ZPBP: variants seen among roughly 807,000 people sequenced by gnomAD.
The protein encoded by ZPBP is zona pellucida binding protein, also known as zona pellucida-binding protein 1.
ZPBP carries 26 observed loss-of-function variants against 44.8 expected under a neutral mutation model. The ratio of observed to expected loss-of-function variants is 0.58; its 90% CI spans 0.43 to 0.81. The LOEUF is 0.81. ZPBP is among the 30% of genes least tolerant of loss of function. ZPBP has a pLI of 0.00. For synonymous variants in ZPBP, 174 were observed against 153.2 expected (o/e 1.14, Z -1.00); for missense variants, 409 against 434.0 (o/e 0.94, Z 0.51).
intron 4 of ZPBP, among the ~76,000 whole-genome samples, chr7:50,033,565 T>C (rs1423422381): frequency 6.6e-6 from 1 of 152,174 alleles, no homozygotes; most frequent in Non-Finnish European, 1.5e-5. Flanking sequence ...GGTGAGTCCA[T>C]AGCTTGACTT....
rs555837163 is a variant in ZPBP at position 49,956,102 on chromosome 7, A to G, written c.962-18480T>C. On this transcript the variant is annotated intron_variant, in intron 7 of 7. Coordinates refer to ENST00000046087, the MANE Select transcript of ZPBP (RefSeq NM_007009.3). Reference sequence around the variant, plus strand: ...TAACTACCTGAGTACTCTAAAAAGCAAAGAGATTAAAGTGAATTTAGAAGG... The same window carrying G: ...TAACTACCTGAGTACTCTAAAAAGCGAAGAGATTAAAGTGAATTTAGAAGG... 2.6e-5 allele frequency among the ~76,000 whole-genome samples: 4 copies of G among 152,292 alleles called. No homozygotes were observed. The South Asian group carries it at 8.3e-4, about 32-fold the overall frequency.
intron 6 of ZPBP, among the ~76,000 whole-genome samples, chr7:49,985,632 T>C (rs1361114704): frequency 4.1e-5 from 4 of 96,948 alleles, no homozygotes; most frequent in Admixed American, 1.3e-4. Flanking sequence ...GGCTTCCTAA[T>C]ACCCCATGCA....
At chr7:50,075,753 C>T (rs921789323) in intron 3 of ZPBP, among the ~76,000 whole-genome samples, 3 of 151,694 alleles carry the variant, frequency 2.0e-5, no homozygotes, top group Non-Finnish European at 4.4e-5. Context: ...AGATAGAAGC[C>T]TTAATAAAAA....
intron 6 of ZPBP, among the ~76,000 whole-genome samples, chr7:50,010,183 T>C (rs565308723): frequency 2.0e-5 from 3 of 152,180 alleles, no homozygotes; most frequent in South Asian, 4.2e-4. Context: ...TAAAACAATC[T>C]TAACAAGAAT....
chr7:49,912,009 T>C (rs1442638585), intron 1 of ZPBP: 1 of 1,604,664 alleles, frequency 6.2e-7, no homozygotes, highest in Non-Finnish European at 8.5e-7. Flanking sequence ...ACACATATAG[T>C]ATAAAACATT....
chr7:50,046,694 G>C (rs1273643234), intron 4 of ZPBP, among the ~76,000 whole-genome samples: 2 of 152,180 alleles, frequency 1.3e-5, no homozygotes, highest in African/African-American at 4.8e-5. Context: ...TACACTGTTG[G>C]TGGGAGTGTA....
intron 7 of ZPBP, among the ~76,000 whole-genome samples, chr7:49,981,563 T>A (rs1488206926): frequency 1.6e-5 from 1 of 60,722 alleles, no homozygotes; most frequent in East Asian, 6.7e-4. Context: ...AAATTATATA[T>A]TATATAATTA....
At chr7:49,970,316 G>GT (rs761643680) in intron 7 of ZPBP, among the ~76,000 whole-genome samples, 32 of 152,168 alleles carry the variant, frequency 2.1e-4, no homozygotes, top group Non-Finnish European at 3.4e-4. Flanking sequence ...GAGTTCTACA[G>GT]TAACAGTTGG....
chr7:50,086,361 C>T (rs1464648298), intron 2 of ZPBP, among the ~76,000 whole-genome samples: 2 of 151,928 alleles, frequency 1.3e-5, no homozygotes, highest in Non-Finnish European at 2.9e-5. Flanking sequence ...CCCACTGAAA[C>T]AGACTCCAAG....
chr7:49,849,522 A>G (rs553415630), downstream of ZPBP, among the ~76,000 whole-genome samples: 1 of 152,306 alleles, frequency 6.6e-6, no homozygotes, highest in African/African-American at 2.4e-5. Flanking sequence ...GCTAACTGGC[A>G]TATGCACCCC....
chr7:50,002,635 T>C (rs959832531), intron 6 of ZPBP, among the ~76,000 whole-genome samples: 9 of 152,296 alleles, frequency 5.9e-5, no homozygotes, highest in East Asian at 1.9e-4. Flanking sequence ...AGGTCAGAAA[T>C]GCTACTTCTT....
At chr7:50,084,520 A>C (rs1802532027) in intron 2 of ZPBP, among the ~76,000 whole-genome samples, 1 of 151,960 alleles carries the variant, frequency 6.6e-6, no homozygotes, top group Non-Finnish European at 1.5e-5. Context: ...GAACGAGTTA[A>C]AAAGAGGGTC....
rs539084055 is a variant in ZPBP, at chr7:50,037,684, C to T, written c.488-6374G>A. ...GTCCTTCCCCCAAAATTGGGGAGTACAATTAAACATGAGATTTAGGTGGGA... is the reference window on the plus strand; with the variant it reads ...GTCCTTCCCCCAAAATTGGGGAGTATAATTAAACATGAGATTTAGGTGGGA... On this transcript the variant is annotated intron_variant, in intron 4 of 7. Transcript: ENST00000046087. Among the ~76,000 whole-genome samples the T allele has an allele frequency of 2.6e-5, 4 of 152,248 alleles. No homozygotes were observed. In the South Asian group the frequency reaches 8.3e-4, roughly 32 times the overall value.
intron 1 of ZPBP, among the ~76,000 whole-genome samples, chr7:49,923,846 G>C (rs993914516): frequency 2.6e-5 from 4 of 152,016 alleles, no homozygotes; most frequent in African/African-American, 9.7e-5. Context: ...GTTATAGGCC[G>C]GGCATGTTGG....
chr7:50,002,754 C>A (rs1798152158), intron 6 of ZPBP, among the ~76,000 whole-genome samples: 1 of 152,140 alleles, frequency 6.6e-6, no homozygotes, highest in South Asian at 2.1e-4. Flanking sequence ...CTGCTCAGAT[C>A]CTACTTTAGA....
Position 49,900,771 on chromosome 7 carries a change from C to T in ZPBP, n.509+347G>A, listed in dbSNP as rs557938370. On this transcript the variant is annotated intron_variant and non_coding_transcript_variant, in intron 2 of 2. Transcript: ENST00000465922. The stretch of plus-strand genomic sequence containing the variant: ...ATCAATATTTTACAATTTCTTTCAG[C>T]GTTACCCTATTACCAAACCAGACAT... Among the ~76,000 whole-genome samples the T allele has an allele frequency of 5.3e-5, 8 of 151,856 alleles. No homozygotes were observed. In the East Asian group the frequency reaches 7.7e-4, roughly 15 times the overall value.
intron 6 of ZPBP, among the ~76,000 whole-genome samples, chr7:50,007,736 C>G (rs1264257647): frequency 2.0e-5 from 3 of 151,926 alleles, no homozygotes; most frequent in Non-Finnish European, 2.9e-5. Flanking sequence ...AAAAATCAAT[C>G]AGTGTAATAC....
intron 7 of ZPBP, among the ~76,000 whole-genome samples, chr7:49,945,275 T>C (rs1039340180): frequency 5.9e-5 from 9 of 152,092 alleles, no homozygotes; most frequent in Non-Finnish European, 1.2e-4. Flanking sequence ...ATGGCCTATC[T>C]TTGAGGATTA....
intron 1 of ZPBP, among the ~76,000 whole-genome samples, chr7:49,926,117 C>A (rs1311919726): frequency 6.6e-6 from 1 of 152,164 alleles, no homozygotes; most frequent in Non-Finnish European, 1.5e-5. Flanking sequence ...TGTTGCATTA[C>A]TATCTCTACC....
Sources: gnomAD v4.1 joint callset for allele counts (sites outside exome capture counted in the v4.1 genomes callset) on GRCh38, gnomAD v4.1.1 for gene constraint, MANE v1.5 for transcripts, NCBI Gene and HGNC (gene_info 2026-07-23, HGNC 2026-07-21) for gene names.